NKAP: variants seen among roughly 807,000 people sequenced by gnomAD.
NKAP encodes the protein NFKB activating protein.
NKAP carries 4 observed loss-of-function variants against 35.6 expected under a neutral mutation model. That is an observed-to-expected ratio of 0.11 (90% CI 0.06 to 0.26). The LOEUF (loss-of-function observed/expected upper bound fraction) is 0.26, where lower values mean the gene tolerates loss of function less well. Among genes scored for constraint, NKAP ranks in the 10% least tolerant of loss-of-function variants. The probability of loss-of-function intolerance (pLI) is 1.00; values close to 1 mark genes in which losing one functional copy is unlikely to be tolerated. For synonymous variants in NKAP, 106 were observed against 119.2 expected (o/e 0.89, Z 0.72); for missense variants, 238 against 321.9 (o/e 0.74, Z 1.99).
chrX:119,934,043 TG>T (rs1434896976), intron 5 of NKAP, among the ~76,000 whole-genome samples: 1 of 111,926 alleles, frequency 8.9e-6, no homozygotes, highest in East Asian at 2.8e-4. Flanking sequence ...AAATAAATGA[TG>T]GATGGCAGAT....
intron 5 of NKAP, among the ~76,000 whole-genome samples, chrX:119,934,070 A>G (rs960554104): frequency 8.9e-6 from 1 of 111,905 alleles, no homozygotes; most frequent in Non-Finnish European, 1.9e-5. Flanking sequence ...CCATGAGTTG[A>G]TAATTATTTA....
rs1206479118 is a variant in NKAP, at chrX:119,924,291, ATAG to A, written c.*926_*928del. 9.0e-6 allele frequency: 1 copy of A among 111,470 alleles called. No homozygotes were observed. The highest frequency in any genetic ancestry group is 9.6e-5 in the Admixed American group (1 of 10,377). The allele number at this position is 111,470 out of a possible 1,213,427, so 9.2% of individuals were successfully genotyped here. Reference sequence around the variant, plus strand: ...GTGGGGCAGGCATCACATAGAGCTAATAGTAGCACTGTCTCATGGTGTGAGATT... The same window carrying A: ...GTGGGGCAGGCATCACATAGAGCTAATAGCACTGTCTCATGGTGTGAGATT... On this transcript the variant is annotated 3_prime_UTR_variant, in exon 9 of 9. Transcript: ENST00000371410.
chrX:119,932,443 C>T (rs2056746265), intron 5 of NKAP: 2 of 262,991 alleles, frequency 7.6e-6, no homozygotes, highest in Non-Finnish European at 1.3e-5. Flanking sequence ...CAGAGCAAGA[C>T]CCCGTCTCTA....
chrX:119,936,349 C>T lies in NKAP; in HGVS notation c.621G>A (p.Lys207=). ...CACTGTCGCTATCTTCAGAATACTT[C>T]TTATGTTTTCTTTTCGATGATTTTT... ...RKKKSSKRKH[K]KYSEDSDSDS... Residue 207 remains lysine, a synonymous_variant, in exon 4 of 9, where the codon AAG becomes AAA. Transcript: ENST00000371410. 8.4e-7 allele frequency: 1 copy of T among 1,193,370 alleles called. No individual in the cohort carries two copies. Among genetic ancestry groups the T allele is most frequent in the Non-Finnish European group, 1.1e-6 (1 of 887,420 alleles).
chrX:119,932,306 G>T, intron 5 of NKAP, 90 bp from the exon 6 acceptor site: 1 of 580,546 alleles, frequency 1.7e-6, no homozygotes, highest in Non-Finnish European at 2.7e-6. Flanking sequence ...ATTTTGAACT[G>T]GTGACTATAC....
intron 1 of NKAP, among the ~76,000 whole-genome samples, chrX:119,942,470 G>A (rs2056798007): frequency 9.0e-6 from 1 of 110,545 alleles, no homozygotes; most frequent in African/African-American, 3.3e-5. Context: ...GCTAGACCCT[G>A]TCTCAAAAAC....
chrX:119,931,206 CAAAA>C (rs976174346), intron 7 of NKAP, among the ~76,000 whole-genome samples: 1 of 104,318 alleles, frequency 9.6e-6, no homozygotes, highest in Non-Finnish European at 2.0e-5. Flanking sequence ...ACAAAACAAA[CAAAA>C]AAAAAATTCT....
chrX:119,934,451 A>AAAG, intron 5 of NKAP, 43 bp downstream of exon 5: 2 of 802,016 alleles, frequency 2.5e-6, no homozygotes, highest in South Asian at 2.9e-5. Flanking sequence ...AAAAAAAAAA[A>AAAG]AAAAGAAAAG....
At chrX:119,939,876 G>A (rs1164674283) in intron 1 of NKAP, among the ~76,000 whole-genome samples, 1 of 108,188 alleles carries the variant, frequency 9.2e-6, no homozygotes, top group African/African-American at 3.4e-5. Context: ...TCTAACCTGG[G>A]AGACAGAGCG....
Position 119,925,205 on chromosome X carries a change from A to G in NKAP, c.*15T>C. The stretch of plus-strand genomic sequence containing the variant: ...TTTTGTTGTTAAAAATGTCTTCTGG[A>G]CAATCAGAAAATCTTTATTTGTCAT... On this transcript the variant is annotated 3_prime_UTR_variant, in exon 9 of 9. Coordinates refer to ENST00000371410, the MANE Select transcript of NKAP (RefSeq NM_024528.4). 8.3e-7 allele frequency: 1 copy of G among 1,206,295 alleles called. No homozygotes were observed. Among genetic ancestry groups the G allele is most frequent in the Non-Finnish European group, 1.1e-6 (1 of 893,210 alleles).
rs1475147465 is a variant in NKAP at position 119,922,710 on chromosome X, GA to G, written c.*2509del. On this transcript the variant is annotated 3_prime_UTR_variant, in exon 9 of 9. Coordinates refer to ENST00000371410, the MANE Select transcript of NKAP (RefSeq NM_024528.4). ...CCACTGAACTCTAGCCTGGGTGACAGAGGGAGACCCTGTCTCAAAAATAATA... is the reference window on the plus strand; with the variant it reads ...CCACTGAACTCTAGCCTGGGTGACAGGGGAGACCCTGTCTCAAAAATAATA... The G allele has an allele frequency of 9.0e-6, 1 of 111,392 alleles. No homozygotes were observed. The highest frequency in any genetic ancestry group is 1.9e-5 in the Non-Finnish European group (1 of 53,087). The allele number at this position is 111,392 out of a possible 1,213,427, so 9.2% of individuals were successfully genotyped here. A position where few individuals can be genotyped will look rare whatever the true frequency, so the allele number is the denominator to read the frequency against.
chrX:119,935,785 C>T (rs1169207817), intron 4 of NKAP, among the ~76,000 whole-genome samples: 1 of 111,400 alleles, frequency 9.0e-6, no homozygotes, highest in Non-Finnish European at 1.9e-5. Context: ...ATGCACTACC[C>T]CAGATAGGGT....
At chrX:119,928,580 T>A (rs768418131) in intron 8 of NKAP, among the ~76,000 whole-genome samples, 1 of 111,954 alleles carries the variant, frequency 8.9e-6, no homozygotes, top group South Asian at 3.7e-4. Context: ...ATTTTTTTTT[T>A]AAGACGGAGT....
Position 119,943,415 on chromosome X carries a change from C to G in NKAP, c.191G>C (p.Ser64Thr). Residue 64 changes from serine (S) to threonine (T), a missense_variant, in exon 1 of 9, where the codon AGC becomes ACC. Ser to Thr is a moderately conservative substitution (Grantham distance 58). This residue lies in a region of NKAP where 123 missense variants were observed against 115.3 expected (regional missense o/e 1.07). Transcript: ENST00000371410. Reference sequence around the variant, plus strand: ...GTAGGACTGGTTTCGGGAGCCTTGGCTGAGGCCACCCAGCTGATGGGTGAG... The same window carrying G: ...GTAGGACTGGTTTCGGGAGCCTTGGGTGAGGCCACCCAGCTGATGGGTGAG... ...NGLTHQLGGL[S>T]QGSRNQSYRS... 8.3e-7 allele frequency: 1 copy of G among 1,210,469 alleles called. No homozygotes were observed. The highest frequency in any genetic ancestry group is 1.1e-6 in the Non-Finnish European group (1 of 894,517).
At chrX:119,934,743 C>T (rs1333405041) in intron 4 of NKAP, among the ~76,000 whole-genome samples, 186 bp from the exon 5 acceptor site, 1 of 110,766 alleles carries the variant, frequency 9.0e-6, no homozygotes, top group Non-Finnish European at 1.9e-5. Flanking sequence ...ATTAAAGTCA[C>T]TAGGTTTTGA....
chrX:119,928,908 TTAC>T (rs1361328069), intron 8 of NKAP, among the ~76,000 whole-genome samples: 3 of 109,594 alleles, frequency 2.7e-5, no homozygotes, highest in Admixed American at 2.0e-4. Flanking sequence ...ATTATTATTA[TTAC>T]TGTTTTTTCA....
At chrX:119,926,231 C>T (rs1434306982) in intron 8 of NKAP, among the ~76,000 whole-genome samples, 3 of 104,535 alleles carry the variant, frequency 2.9e-5, no homozygotes, top group Non-Finnish European at 5.8e-5. Flanking sequence ...GCTGGGATTA[C>T]AGGCGTGAGC....
In NKAP at chrX:119,943,299, T is replaced by A; in HGVS notation, c.307A>T (p.Ser103Cys). 8.3e-7 allele frequency: 1 copy of A among 1,211,623 alleles called. No individual in the cohort carries two copies. Among genetic ancestry groups the A allele is most frequent in the Non-Finnish European group, 1.1e-6 (1 of 895,358 alleles). Residue 103 changes from serine to cysteine, a missense_variant, in exon 1 of 9, where the codon AGC becomes TGC. Coordinates refer to ENST00000371410, the MANE Select transcript of NKAP (RefSeq NM_024528.4). ...ASASSSVYYG[S>C]YSRPYGSDKP... ...TCGCTCCCGTAGGGGCGCGAGTAGCTGCCGTAATAGACTGACGAGGAGGCA... is the reference window on the plus strand; with the variant it reads ...TCGCTCCCGTAGGGGCGCGAGTAGCAGCCGTAATAGACTGACGAGGAGGCA...
chrX:119,939,674 G>A (rs950694735), intron 1 of NKAP, among the ~76,000 whole-genome samples: 4 of 110,193 alleles, frequency 3.6e-5, no homozygotes, highest in Middle Eastern at 4.3e-3. Context: ...TGAGGCGGGC[G>A]GATTGCTTGA....
Sources: allele counts gnomAD v4.1 joint callset (sites outside exome capture counted in the v4.1 genomes callset), GRCh38; gene constraint gnomAD v4.1.1; regional missense constraint gnomAD v4.1.1; transcripts MANE v1.5; gene names NCBI Gene and HGNC (gene_info 2026-07-23, HGNC 2026-07-21).